Variants in P2RY6 observed in about 807,000 individuals in gnomAD.
P2RY6 encodes pyrimidinergic receptor P2Y6.
A neutral mutation model predicts 16.3 loss-of-function variants in P2RY6; 19 were observed. The ratio of observed to expected loss-of-function variants is 1.16; its 90% CI spans 0.81 to 1.71. The LOEUF is 1.71. Among genes scored for constraint, P2RY6 ranks in the 40% most tolerant of loss-of-function variants. The pLI, the probability that P2RY6 is intolerant of heterozygous loss-of-function variation, is 0.00. For synonymous variants in P2RY6, 184 were observed against 201.5 expected (o/e 0.91, Z 0.74); for missense variants, 389 against 455.5 (o/e 0.85, Z 1.33).
intron 1 of P2RY6, among the ~76,000 whole-genome samples, chr11:73,294,987 C>T (rs1398688818): frequency 6.6e-6 from 1 of 152,220 alleles, no homozygotes; most frequent in East Asian, 1.9e-4. Flanking sequence ...GAACCCTTTA[C>T]CACCCACTGA....
upstream of P2RY6, among the ~76,000 whole-genome samples, chr11:73,268,302 G>A (rs1444891949): frequency 6.6e-6 from 1 of 152,222 alleles, no homozygotes; most frequent in Non-Finnish European, 1.5e-5. Context: ...AGGCTGCAGA[G>A]AGGGAAAACC....
At chr11:73,292,180 C>T (rs1014172169) in intron 1 of P2RY6, among the ~76,000 whole-genome samples, 2 of 152,258 alleles carry the variant, frequency 1.3e-5, no homozygotes, top group South Asian at 2.1e-4. Context: ...TCCTCATGCG[C>T]TCTGCGCCTG....
chr11:73,293,185 T>C, intron 1 of P2RY6, among the ~76,000 whole-genome samples: 1 of 152,030 alleles, frequency 6.6e-6, no homozygotes, highest in East Asian at 1.9e-4. Flanking sequence ...GCATTTTGTG[T>C]GAAGGGAACA....
intron 1 of P2RY6, among the ~76,000 whole-genome samples, chr11:73,293,473 A>G (rs1186398311): frequency 2.0e-5 from 3 of 152,170 alleles, no homozygotes; most frequent in Non-Finnish European, 4.4e-5. Context: ...GCCCAGGAAG[A>G]GGCTGGGGTC....
At chr11:73,291,430 G>A (rs1864242336) in intron 1 of P2RY6, among the ~76,000 whole-genome samples, 1 of 152,196 alleles carries the variant, frequency 6.6e-6, no homozygotes, top group Admixed American at 6.5e-5. Flanking sequence ...TGGCTGCTGA[G>A]CTGAAGGCCA....
chr11:73,265,405 C>A (rs1863068971), intron 1 of P2RY6: 1 of 152,204 alleles, frequency 6.6e-6, no homozygotes, highest in Admixed American at 6.5e-5. Context: ...TATAATATTT[C>A]TGCATATAAA....
At chr11:73,276,862 T>C (rs966422184) in intron 1 of P2RY6, among the ~76,000 whole-genome samples, 33 of 152,224 alleles carry the variant, frequency 2.2e-4, no homozygotes, top group African/African-American at 7.0e-4. Flanking sequence ...TTTTATGGTA[T>C]GTGAATTATG....
rs914191422 is a variant in P2RY6, at chr11:73,297,760, A to G, written c.*255A>G. On this transcript the variant is annotated 3_prime_UTR_variant, in exon 3 of 3. Transcript: ENST00000540124. The stretch of plus-strand genomic sequence containing the variant: ...CAGTCAGCCATGGAGAGCTGGGGAA[A>G]CCACATTAAGGTGCTCACAAAAATA... 2 of 541,918 alleles carry G rather than the reference A, an allele frequency of 3.7e-6. No individual in the cohort carries two copies. Among genetic ancestry groups the G allele is most frequent in the Non-Finnish European group, 6.8e-6 (2 of 295,848 alleles). The allele number at this position is 541,918 out of a possible 1,614,324, so 33.6% of individuals were successfully genotyped here.
At chr11:73,273,515 G>A (rs914257456) in intron 1 of P2RY6, among the ~76,000 whole-genome samples, 3 of 152,014 alleles carry the variant, frequency 2.0e-5, no homozygotes, top group South Asian at 2.1e-4. Flanking sequence ...CACTCCCCTC[G>A]ACTCCCTGTG....
At chr11:73,270,706 G>A (rs567778400), upstream of P2RY6, among the ~76,000 whole-genome samples, 29 of 152,298 alleles carry the variant, frequency 1.9e-4, no homozygotes, top group Admixed American at 1.5e-3. Context: ...CTGCCAAAGC[G>A]TTGGTGGCCC....
chr11:73,284,325 C>T (rs1435466637), intron 1 of P2RY6, among the ~76,000 whole-genome samples: 1 of 152,102 alleles, frequency 6.6e-6, no homozygotes, highest in Admixed American at 6.5e-5. Flanking sequence ...TCATGGGAAT[C>T]CTGGGTCCTG....
rs911799901 is a variant in P2RY6 at position 73,297,178 on chromosome 11, C to A, written c.660C>A (p.Cys220Ter). 12 of 1,604,048 alleles carry A rather than the reference C, an allele frequency of 7.5e-6. No homozygotes were observed. Among genetic ancestry groups the A allele is most frequent in the Non-Finnish European group, 9.3e-6 (11 of 1,179,638 alleles). ...ACYCLLACRL[C>*]RQDGPAEPVA... ...ACTGTCTCCTGGCCTGCCGCCTGTG[C>A]CGCCAGGATGGCCCGGCAGAGCCTG... Residue 220 changes from cysteine to a stop codon, truncating the protein, a stop_gained, in exon 3 of 3, where the codon TGC becomes TGA. Coordinates refer to ENST00000540124, the MANE Select transcript of P2RY6 (RefSeq NM_001277204.2). LOFTEE classifies it high-confidence loss of function.
At chr11:73,270,373 C>G (rs1288686849), upstream of P2RY6, among the ~76,000 whole-genome samples, 1 of 152,040 alleles carries the variant, frequency 6.6e-6, no homozygotes, top group African/African-American at 2.4e-5. Flanking sequence ...CTGGCACTAC[C>G]AGGTGGGCCT....
At position 73,290,299 on chromosome 11, in the gene P2RY6, AAAGAAAAG is replaced by A. The variant is rs1246786521; in HGVS notation, c.-120-5428_-120-5421del. Among the ~76,000 whole-genome samples, 784 of 112,684 alleles carry A rather than the reference AAAGAAAAG, an allele frequency of 7.0e-3. 4 individuals are homozygous for A. Among genetic ancestry groups the A allele is most frequent in the African/African-American group, 0.026 (703 of 26,716 alleles). 73.9% of individuals were successfully genotyped at this position (112,684 alleles called of 152,430 possible). ...AAAGGAAGGAAAGAAAGAAAGAAAG[AAAGAAAAG>A]AAAGAAAGAAAGAAAGAAAGAAAGA... On this transcript the variant is annotated intron_variant, in intron 1 of 2. Transcript: ENST00000540124.
At chr11:73,272,559 G>A in intron 1 of P2RY6, 93 bp downstream of exon 1, 1 of 965,852 alleles carries the variant, frequency 1.0e-6, no homozygotes, top group Non-Finnish European at 1.2e-6. Flanking sequence ...CAGCCACCGA[G>A]GCTCATCACA....
upstream of P2RY6, among the ~76,000 whole-genome samples, chr11:73,267,633 C>G (rs2135677302): frequency 6.6e-6 from 1 of 152,322 alleles, no homozygotes; most frequent in South Asian, 2.1e-4. Flanking sequence ...CGTTGATGCA[C>G]AGCCATGTCT....
At chr11:73,280,601 A>G (rs182635836) in intron 1 of P2RY6, among the ~76,000 whole-genome samples, 82 of 152,310 alleles carry the variant, frequency 5.4e-4, no homozygotes, top group Non-Finnish European at 8.5e-4. Context: ...TTTGGGTTAT[A>G]GATCTTCAGG....
chr11:73,269,710 C>T (rs1863223802), upstream of P2RY6, among the ~76,000 whole-genome samples: 1 of 152,242 alleles, frequency 6.6e-6, no homozygotes, highest in Non-Finnish European at 1.5e-5. Context: ...ACATGGCTGA[C>T]AAGCCCCCAG....
upstream of P2RY6, chr11:73,271,674 T>A (rs1382213967): frequency 6.6e-6 from 1 of 152,156 alleles, no homozygotes; most frequent in East Asian, 1.9e-4. Flanking sequence ...TGGTTTCGGG[T>A]CTGGTTCCTT....
Sources: gnomAD v4.1 joint callset for allele counts (sites outside exome capture counted in the v4.1 genomes callset) on GRCh38, gnomAD v4.1.1 for gene constraint, MANE v1.5 for transcripts, NCBI Gene and HGNC (gene_info 2026-07-23, HGNC 2026-07-21) for gene names.